The following ASB13 variants were observed in gnomAD, a reference collection of about 807,000 sequenced individuals.
ASB13 encodes ankyrin repeat and SOCS box protein 13.
A neutral mutation model predicts 28.8 loss-of-function variants in ASB13; 33 were observed. The ratio of observed to expected loss-of-function variants is 1.15; its 90% CI spans 0.87 to 1.53. The LOEUF (loss-of-function observed/expected upper bound fraction) is 1.53. ASB13 is among the 40% of genes most tolerant of loss of function. The pLI is 0.00. For missense variants in ASB13, 414 were observed against 390.1 expected (o/e 1.06, Z -0.52); for synonymous variants, 182 against 172.9 (o/e 1.05, Z -0.41).
At chr10:5,653,075 T>C (rs1371071950) in intron 1 of ASB13, 25 bp from the exon 2 acceptor site, 1 of 1,518,040 alleles carries the variant, frequency 6.6e-7, no homozygotes, top group African/African-American at 1.4e-5. Context: ...GACCTCAGGC[T>C]AAGACCCTGC....
intron 1 of ASB13, among the ~76,000 whole-genome samples, chr10:5,662,489 C>T (rs1835182889): frequency 7.1e-6 from 1 of 141,642 alleles, no homozygotes; most frequent in Non-Finnish European, 1.5e-5. Flanking sequence ...GAGATCGTGC[C>T]ACTGCACTCC....
At position 5,661,035 on chromosome 10, in the gene ASB13, C is replaced by A. The variant is rs1442327026; in HGVS notation, c.43+5474G>T. Among the ~76,000 whole-genome samples, 1 of 152,188 alleles carries A rather than the reference C, an allele frequency of 6.6e-6. No individual in the cohort carries two copies. Among genetic ancestry groups the A allele is most frequent in the Non-Finnish European group, 1.5e-5 (1 of 68,026 alleles). On this transcript the variant is annotated intron_variant, in intron 1 of 5. Transcript: ENST00000357700. This position sits in a 1 kb window ranked among gnomAD's most constrained non-coding sequence, Gnocchi z 4.9. ...GCAAAGCAGACTTTTATTTTTGTTTCTTTTTCTTTATTTTCCCCCTAGGCA... is the reference window on the plus strand; with the variant it reads ...GCAAAGCAGACTTTTATTTTTGTTTATTTTTCTTTATTTTCCCCCTAGGCA...
In ASB13 at chr10:5,649,552, G is replaced by C. The variant is rs1421460366; in HGVS notation, c.383-448C>G. 7.5e-6 allele frequency among the ~76,000 whole-genome samples: 1 copy of C among 133,322 alleles called. No individual in the cohort carries two copies. Among genetic ancestry groups the C allele is most frequent in the East Asian group, 2.0e-4 (1 of 5,026 alleles). The allele number at this position is 133,322 out of a possible 152,430, so 87.5% of individuals were successfully genotyped here. ...TGCCTCTTTTTTTTTTTTAGACAAA[G>C]TCTCATTCTGTTGCCCAGGATGGAA... On this transcript the variant is annotated intron_variant, in intron 3 of 5. Coordinates refer to ENST00000357700, the MANE Select transcript of ASB13 (RefSeq NM_024701.4). This position sits in a 1 kb window ranked among gnomAD's most constrained non-coding sequence, Gnocchi z 6.4.
At position 5,645,317 on chromosome 10, in the gene ASB13, A is replaced by T. The variant is rs1199112455; in HGVS notation, c.518-3356T>A. On this transcript the variant is annotated intron_variant, in intron 4 of 5. Coordinates refer to ENST00000357700, the MANE Select transcript of ASB13 (RefSeq NM_024701.4). This position sits in a 1 kb window ranked among gnomAD's most constrained non-coding sequence, Gnocchi z 5.4. ...AACAACAATTTTAAAAAAATTTTTT[A>T]AATTGTGCCAGGGCCAGTGCTAAGA... 6.6e-6 allele frequency among the ~76,000 whole-genome samples: 1 copy of T among 152,136 alleles called. No individual in the cohort carries two copies. Among genetic ancestry groups the T allele is most frequent in the Non-Finnish European group, 1.5e-5 (1 of 68,010 alleles).
chr10:5,653,044 C>G lies in ASB13; in HGVS notation c.50G>C (p.Trp17Ser). ...CTCGTGCACAGGGGTCCGCTCCACCCAGAAACCTGGAAAGGAAGGGGACCT... is the reference window on the plus strand; with the variant it reads ...CTCGTGCACAGGGGTCCGCTCCACCGAGAAACCTGGAAAGGAAGGGGACCT... ...DGCFLGDVGF[W>S]VERTPVHEAA... Residue 17 changes from tryptophan to serine, a missense_variant, in exon 2 of 6, where the codon TGG becomes TCG. Coordinates refer to ENST00000357700, the MANE Select transcript of ASB13 (RefSeq NM_024701.4). 1.3e-6 allele frequency: 2 copies of G among 1,541,632 alleles called. No homozygotes were observed. Among genetic ancestry groups the G allele is most frequent in the Admixed American group, 2.0e-5 (1 of 50,074 alleles).
At chr10:5,662,565 G>GGAGAACAGAA (rs1835187999) in intron 1 of ASB13, among the ~76,000 whole-genome samples, 1 of 14,560 alleles carries the variant, frequency 6.9e-5, no homozygotes, top group Non-Finnish European at 1.3e-4. Context: ...GGAGGGGAGG[G>GGAGAACAGAA]GAGAAGAGAA....
rs925585773 is a variant in ASB13 at position 5,659,023 on chromosome 10, G to A, written c.44-5973C>T. ...TGCAATGGCAGGGTCAGTGTCCCAG[G>A]TGAAAAGAATCGGGAAGGACAGCTT... is the stretch of plus-strand genomic sequence containing the variant. On this transcript the variant is annotated intron_variant, in intron 1 of 5. Transcript: ENST00000357700. This position sits in a 1 kb window ranked among gnomAD's most constrained non-coding sequence, Gnocchi z 5.8. Among the ~76,000 whole-genome samples the A allele has an allele frequency of 6.6e-6, 1 of 152,212 alleles. No individual in the cohort carries two copies. Among genetic ancestry groups the A allele is most frequent in the African/African-American group, 2.4e-5 (1 of 41,446 alleles).
intron 1 of ASB13, among the ~76,000 whole-genome samples, chr10:5,657,804 T>C (rs1237425412): frequency 2.0e-5 from 3 of 152,162 alleles, no homozygotes; most frequent in African/African-American, 7.2e-5. Flanking sequence ...GGAAATCCTG[T>C]CCCATGCTAC....
At chr10:5,666,417 A>T in intron 1 of ASB13, 92 bp downstream of exon 1, 1 of 1,124,424 alleles carries the variant, frequency 8.9e-7, no homozygotes, top group Non-Finnish European at 1.1e-6. Flanking sequence ...GGGGCGCGCC[A>T]CCACCTCCCC....
At position 5,651,354 on chromosome 10, in the gene ASB13, G is replaced by C. The variant is rs771180440; in HGVS notation, c.241C>G (p.Arg81Gly). The change falls in exon 3 of 6, where the codon CGC (arginine) becomes GGC (glycine). Residue 81 changes from arginine (R) to glycine (G), a missense_variant. Coordinates refer to ENST00000357700, the MANE Select transcript of ASB13 (RefSeq NM_024701.4). This position sits in a 1 kb window ranked among gnomAD's most constrained non-coding sequence, Gnocchi z 5.1. Reference protein sequence around the residue: ...LLAAGAQVDARNIDGSTPLCD... With the variant: ...LLAAGAQVDAGNIDGSTPLCD... ...AGCGGGGTGCTGCCGTCGATGTTGC[G>C]AGCATCCACCTCACGGGAGGAAGAA... 6.8e-6 allele frequency: 11 copies of C among 1,607,058 alleles called. No homozygotes were observed. The African/African-American group carries it at 9.4e-5, about 14-fold the overall frequency.
At position 5,644,319 on chromosome 10, in the gene ASB13, C is replaced by A. The variant is rs1379977366; in HGVS notation, c.518-2358G>T. Among the ~76,000 whole-genome samples the A allele has an allele frequency of 2.0e-5, 3 of 152,116 alleles. No homozygotes were observed. Among genetic ancestry groups the A allele is most frequent in the East Asian group, 1.9e-4 (1 of 5,196 alleles). On this transcript the variant is annotated intron_variant, in intron 4 of 5. Coordinates refer to ENST00000357700, the MANE Select transcript of ASB13 (RefSeq NM_024701.4). The surrounding 1 kb of genome is among the most constrained non-coding windows in gnomAD (Gnocchi z 5.1). ...GACCAGCCTGCGCAACATAGTGAGA[C>A]CCTAGCTCTACAAAAATTTAAAAAT...
Position 5,649,018 on chromosome 10 carries a change from C to A in ASB13, c.469G>T (p.Ala157Ser). 1 of 1,614,258 alleles carries A rather than the reference C, an allele frequency of 6.2e-7. No homozygotes were observed. Among genetic ancestry groups the A allele is most frequent in the Non-Finnish European group, 8.5e-7 (1 of 1,180,048 alleles). ...CAGTCCAGATGCTCCCGGGCACAGG[C>A]AACGTGCAGAGGGGTCCCAAAATGG... The part of the protein sequence containing the change: ...DCHFGTPLHV[A>S]CAREHLDCVK... The change falls in exon 4 of 6, where the codon GCC becomes TCC. Residue 157 changes from alanine to serine, a missense_variant. Transcript: ENST00000357700. The surrounding 1 kb of genome is among the most constrained non-coding windows in gnomAD (Gnocchi z 6.4).
Position 5,653,022 on chromosome 10 carries a change from G to C in ASB13, c.72C>G (p.His24Gln). Reference protein sequence around the residue: ...VGFWVERTPVHEAAQRGESLQ... With the variant: ...VGFWVERTPVQEAAQRGESLQ... ...GGCTCTCACCCCGCTGGGCTGCCTC[G>C]TGCACAGGGGTCCGCTCCACCCAGA... The change falls in exon 2 of 6, where the codon CAC (histidine) becomes CAG (glutamine). Residue 24 changes from histidine to glutamine, a missense_variant. Transcript: ENST00000357700. The C allele has an allele frequency of 1.9e-6, 3 of 1,550,088 alleles. No individual in the cohort carries two copies. In the South Asian group the frequency reaches 3.6e-5, roughly 18 times the overall value.
chr10:5,665,143 G>C (rs1248179674), intron 1 of ASB13, among the ~76,000 whole-genome samples: 1 of 152,200 alleles, frequency 6.6e-6, no homozygotes, highest in Non-Finnish European at 1.5e-5. Flanking sequence ...AGGCATGAGA[G>C]ACTGCGCAAC....
intron 4 of ASB13, among the ~76,000 whole-genome samples, chr10:5,647,578 T>C (rs1471530941): frequency 3.9e-5 from 6 of 152,216 alleles, no homozygotes; most frequent in Non-Finnish European, 7.3e-5. Context: ...CCCTTCTCTC[T>C]TGGATTCAGG....
In ASB13 at chr10:5,649,202, T is replaced by G. The variant is rs1280820385; in HGVS notation, c.383-98A>C. The G allele has an allele frequency of 2.1e-5, 32 of 1,541,004 alleles. No homozygotes were observed. The highest frequency in any genetic ancestry group is 5.3e-6 in the Non-Finnish European group (6 of 1,133,724). On this transcript the variant is annotated intron_variant, in intron 3 of 5. Transcript: ENST00000357700. This position sits in a 1 kb window ranked among gnomAD's most constrained non-coding sequence, Gnocchi z 6.4. The stretch of plus-strand genomic sequence containing the variant: ...CAGGGGCAGCAGCCTCCATCCTTGG[T>G]GCAGGGCAGGGAAGCCAGGCAGGCC...
In ASB13 at chr10:5,663,454, G is replaced by T. The variant is rs1305162863; in HGVS notation, c.43+3055C>A. On this transcript the variant is annotated intron_variant, in intron 1 of 5. Coordinates refer to ENST00000357700, the MANE Select transcript of ASB13 (RefSeq NM_024701.4). The surrounding 1 kb of genome is among the most constrained non-coding windows in gnomAD (Gnocchi z 4.9). ...TCCCTTGCCCCTGGTCCACCCCAAA[G>T]GCTATGGCCCAGGGAGCATGGGGAG... 6.6e-6 allele frequency among the ~76,000 whole-genome samples: 1 copy of T among 152,054 alleles called. No individual in the cohort carries two copies. The highest frequency in any genetic ancestry group is 2.4e-5 in the African/African-American group (1 of 41,410).
rs1427677619 is a variant in ASB13, at chr10:5,656,023, C to T, written c.44-2973G>A. Among the ~76,000 whole-genome samples the T allele has an allele frequency of 6.6e-6, 1 of 152,170 alleles. No individual in the cohort carries two copies. Among genetic ancestry groups the T allele is most frequent in the Non-Finnish European group, 1.5e-5 (1 of 68,032 alleles). Reference sequence around the variant, plus strand: ...CAGATAATTCACAACATGACAACTGCGATCATGTCTGGTGACAGGGACTCA... The same window carrying T: ...CAGATAATTCACAACATGACAACTGTGATCATGTCTGGTGACAGGGACTCA... On this transcript the variant is annotated intron_variant, in intron 1 of 5. Coordinates refer to ENST00000357700, the MANE Select transcript of ASB13 (RefSeq NM_024701.4). This position sits in a 1 kb window ranked among gnomAD's most constrained non-coding sequence, Gnocchi z 4.3.
At position 5,640,916 on chromosome 10, in the gene ASB13, G is replaced by A. The variant is rs189568791; in HGVS notation, c.710-86C>T. The A allele has an allele frequency of 1.1e-3, 1,658 of 1,523,700 alleles. 14 individuals are homozygous for A. In the South Asian group the frequency reaches 0.012, roughly 11 times the overall value. 94.4% of individuals were successfully genotyped at this position (1,523,700 alleles called of 1,614,324 possible). On this transcript the variant is annotated intron_variant, in intron 5 of 5. Coordinates refer to ENST00000357700, the MANE Select transcript of ASB13 (RefSeq NM_024701.4). ...ATGGAACACAAACTCAGAGGGAATC[G>A]GAAACGCCTCCCTTTCCCCTGGAAC...
Sources: allele counts gnomAD v4.1 joint callset (sites outside exome capture counted in the v4.1 genomes callset), GRCh38; gene constraint gnomAD v4.1.1; non-coding constraint Gnocchi (gnomAD v3.1); transcripts MANE v1.5; gene names NCBI Gene and HGNC (gene_info 2026-07-23, HGNC 2026-07-21).